EBF3: variants seen among roughly 807,000 people sequenced by gnomAD.
The protein encoded by EBF3 is transcription factor COE3.
Under a neutral mutation model 77.1 loss-of-function variants are expected in EBF3, and 18 were observed. The observed-to-expected ratio is 0.23, with a 90% CI of 0.16 to 0.35. The LOEUF is 0.35. Among genes scored for constraint, EBF3 ranks in the 10% least tolerant of loss-of-function variants. EBF3 has a pLI of 1.00. For synonymous variants in EBF3, 350 were observed against 343.5 expected, an observed-to-expected ratio of 1.02 and a Z score of -0.21; for missense variants, 558 against 860.0, an observed-to-expected ratio of 0.65 and a Z score of 4.39.
intron 6 of EBF3, among the ~76,000 whole-genome samples, chr10:129,912,342 T>C (rs1855584471): frequency 6.6e-6 from 1 of 152,164 alleles, no homozygotes; most frequent in Non-Finnish European, 1.5e-5. Context: ...AAGGCCTTAA[T>C]GCAAACCATA....
At chr10:129,955,350 T>C (rs1277300465) in intron 6 of EBF3, among the ~76,000 whole-genome samples, 1 of 152,236 alleles carries the variant, frequency 6.6e-6, no homozygotes, top group Non-Finnish European at 1.5e-5. Flanking sequence ...AAAGCATTTA[T>C]GCCAGGCGTA....
chr10:129,873,479 C>T lies in EBF3; in HGVS notation c.754G>A (p.Gly252Ser). Residue 252 changes from glycine to serine, a missense_variant, in exon 8 of 17, where the codon GGT (glycine) becomes AGT (serine). By Grantham distance (56) the Gly-to-Ser change is moderately conservative. Around this residue, in one of 5 missense-constraint regions of EBF3, gnomAD observed 112 missense variants for 207.7 expected, o/e 0.54. Transcript: ENST00000440978. ...RRARRLDPSE[G>S]TAPSYLENAT... The stretch of plus-strand genomic sequence containing the variant: ...TTTTCCAGATAAGAAGGGGCCGTAC[C>T]TTCTGACGGGTCTAGGCGGCGGGCC... The T allele has an allele frequency of 6.3e-7, 1 of 1,579,986 alleles. No individual in the cohort carries two copies. Among genetic ancestry groups the T allele is most frequent in the Non-Finnish European group, 8.6e-7 (1 of 1,160,674 alleles).
chr10:129,918,619 G>A (rs533499853), intron 6 of EBF3, among the ~76,000 whole-genome samples: 2 of 152,170 alleles, frequency 1.3e-5, no homozygotes, highest in East Asian at 1.9e-4. Flanking sequence ...GTTGTTTAAC[G>A]ATGATCAGGG....
In EBF3 at chr10:129,962,954, A is replaced by G. The variant is rs1215035482; in HGVS notation, c.343T>C (p.Leu115=). ...NNGIHYKLQL[L]YSNGVRTEQD... ...AGCAGGCACTTACCGTTGCTGTACA[A>G]TAACTGGAGTTTATAGTGGATGCCG... Residue 115 remains leucine, a synonymous_variant, in exon 3 of 17, where the codon TTG becomes CTG. Coordinates refer to ENST00000440978, the MANE Select transcript of EBF3 (RefSeq NM_001375380.1). 1.9e-6 allele frequency: 3 copies of G among 1,614,086 alleles called. No individual in the cohort carries two copies. Among genetic ancestry groups the G allele is most frequent in the Non-Finnish European group, 1.7e-6 (2 of 1,179,976 alleles).
At chr10:129,866,339 T>C (rs1437669608) in intron 10 of EBF3, among the ~76,000 whole-genome samples, 1 of 152,174 alleles carries the variant, frequency 6.6e-6, no homozygotes, top group Non-Finnish European at 1.5e-5. Context: ...CAGGCTGGTC[T>C]TGAACTCCTG....
chr10:129,908,621 C>CACCGCCGCTGGCCCAGCT (rs1435155224), intron 6 of EBF3, among the ~76,000 whole-genome samples: 2 of 152,220 alleles, frequency 1.3e-5, no homozygotes. Context: ...TCGGCGCAGC[C>CACCGCCGCTGGCCCAGCT]ACCGCCGCTG....
intron 6 of EBF3, among the ~76,000 whole-genome samples, chr10:129,930,628 C>A (rs1004539647): frequency 6.8e-6 from 1 of 147,782 alleles, no homozygotes; most frequent in Admixed American, 6.8e-5. Context: ...CTGTCTATAT[C>A]TATCTCTATA....
rs1264215535 is a variant in EBF3 at position 129,963,823 on chromosome 10, G to C, written c.-55C>G. On this transcript the variant is annotated 5_prime_UTR_variant, in exon 1 of 17. Transcript: ENST00000440978. This position sits in a 1 kb window ranked among gnomAD's most constrained non-coding sequence, Gnocchi z 7.1. Reference sequence around the variant, plus strand: ...GGCCGAAAGCGTTTCCTCGAGCAGCGGCGCTCGGGGCTTGGCGGCAGGCGG... The same window carrying C: ...GGCCGAAAGCGTTTCCTCGAGCAGCCGCGCTCGGGGCTTGGCGGCAGGCGG... 3 of 1,469,380 alleles carry C rather than the reference G, an allele frequency of 2.0e-6. No homozygotes were observed. 91.0% of individuals were successfully genotyped at this position (1,469,380 alleles called of 1,614,324 possible).
At chr10:129,905,745 C>G (rs949110686) in intron 6 of EBF3, among the ~76,000 whole-genome samples, 3 of 152,176 alleles carry the variant, frequency 2.0e-5, no homozygotes, top group Non-Finnish European at 2.9e-5. Context: ...GCTTCCCAAC[C>G]GTTGCAGGTC....
intron 10 of EBF3, among the ~76,000 whole-genome samples, chr10:129,854,657 G>T (rs936721935): frequency 6.6e-6 from 1 of 152,214 alleles, no homozygotes; most frequent in Non-Finnish European, 1.5e-5. Flanking sequence ...GAAGATCAAT[G>T]CATGGACAGG....
intron 10 of EBF3, among the ~76,000 whole-genome samples, chr10:129,858,439 T>G (rs1851404347): frequency 6.6e-6 from 1 of 152,198 alleles, no homozygotes; most frequent in South Asian, 2.1e-4. Flanking sequence ...TGGTGCCTGT[T>G]TGGAAGCTCA....
At chr10:129,942,522 G>A (rs1857837239) in intron 6 of EBF3, among the ~76,000 whole-genome samples, 1 of 152,174 alleles carries the variant, frequency 6.6e-6, no homozygotes, top group Non-Finnish European at 1.5e-5. Flanking sequence ...AGGGACAGCT[G>A]TGCAGCCTTC....
chr10:129,876,446 T>C (rs1044464869), intron 7 of EBF3, among the ~76,000 whole-genome samples: 2 of 152,184 alleles, frequency 1.3e-5, no homozygotes, highest in Non-Finnish European at 2.9e-5. Context: ...GCGTGACAAA[T>C]GGAAGCAGAC....
rs1491368743 is a variant in EBF3 at position 129,948,259 on chromosome 10, C to CCAAA, written c.554+8998_554+8999insTTTG. ...GGCAACAAGAGCAAAAACTCCGTCT[C>CCAAA]AAAAAAAAAAAAAAAAAAAAAAAAA... On this transcript the variant is annotated intron_variant, in intron 6 of 16. Coordinates refer to ENST00000440978, the MANE Select transcript of EBF3 (RefSeq NM_001375380.1). Among the ~76,000 whole-genome samples, 16 of 45,736 alleles carry CCAAA rather than the reference C, an allele frequency of 3.5e-4. 4 individuals carry two copies. The highest frequency in any genetic ancestry group is 8.0e-4 in the Admixed American group (3 of 3,756). 30.0% of individuals were successfully genotyped at this position (45,736 alleles called of 152,430 possible).
chr10:129,945,689 C>T lies in EBF3; in HGVS notation c.554+11569G>A, dbSNP rs374187667. On this transcript the variant is annotated intron_variant, in intron 6 of 16. Transcript: ENST00000440978. ...CTGCGATCAATTCATCATCCGACAC[C>T]ATTGTACATTCTTCACAAAAAGATA... 1.0e-3 allele frequency among the ~76,000 whole-genome samples: 154 copies of T among 152,302 alleles called. 2 individuals are homozygous for T. In the South Asian group the frequency reaches 0.02, roughly 20 times the overall value.
intron 6 of EBF3, among the ~76,000 whole-genome samples, chr10:129,888,599 T>G (rs1480183230): frequency 6.6e-6 from 1 of 152,242 alleles, no homozygotes; most frequent in Non-Finnish European, 1.5e-5. Flanking sequence ...TCTGTGCGGA[T>G]GCCCAGAGCG....
intron 10 of EBF3, among the ~76,000 whole-genome samples, chr10:129,855,252 C>T (rs556549315): frequency 2.0e-5 from 3 of 152,312 alleles, no homozygotes; most frequent in South Asian, 2.1e-4. Flanking sequence ...AACCGGGCCT[C>T]GTGCACAGGG....
intron 6 of EBF3, among the ~76,000 whole-genome samples, chr10:129,929,156 T>G (rs1157046974): frequency 6.6e-6 from 1 of 152,202 alleles, no homozygotes; most frequent in Admixed American, 6.5e-5. Context: ...TCCGATGCTA[T>G]GTCAACATTT....
At chr10:129,950,553 T>C (rs888383296) in intron 6 of EBF3, among the ~76,000 whole-genome samples, 1 of 152,206 alleles carries the variant, frequency 6.6e-6, no homozygotes, top group Non-Finnish European at 1.5e-5. Flanking sequence ...AAACATCGTT[T>C]TGAAAACAGT....
Sources: allele counts gnomAD v4.1 joint callset (sites outside exome capture counted in the v4.1 genomes callset), GRCh38; gene constraint gnomAD v4.1.1; regional missense constraint gnomAD v4.1.1; non-coding constraint Gnocchi (gnomAD v3.1); transcripts MANE v1.5; gene names NCBI Gene and HGNC (gene_info 2026-07-23, HGNC 2026-07-21).